The following NUBPL variants were observed in gnomAD, a reference collection of about 807,000 sequenced individuals.
NUBPL encodes the protein iron-sulfur cluster transfer protein NUBPL.
Under a neutral mutation model 45.7 loss-of-function variants are expected in NUBPL, and 31 were observed. The ratio of observed to expected loss-of-function variants is 0.68; its 90% CI spans 0.51 to 0.92. The LOEUF (loss-of-function observed/expected upper bound fraction) is 0.92, where lower values mean the gene tolerates loss of function less well. Ranked by LOEUF, NUBPL falls within the 40% of genes least tolerant of loss-of-function variation. The pLI is 0.00. For synonymous variants in NUBPL, 144 were observed against 140.9 expected, an observed-to-expected ratio of 1.02 and a Z score of -0.15; for missense variants, 401 against 398.7, an observed-to-expected ratio of 1.01 and a Z score of -0.05.
At chr14:31,606,712 TTGGGGTATCATAGA>T (rs966104481) in intron 4 of NUBPL, among the ~76,000 whole-genome samples, 1 of 140,350 alleles carries the variant, frequency 7.1e-6, no homozygotes, top group Non-Finnish European at 1.6e-5. Context: ...TGGCTCCTCT[TTGGGGTATCATAGA>T]TATGTGGACT....
At chr14:31,755,746 C>T (rs61994360) in intron 6 of NUBPL, among the ~76,000 whole-genome samples, 10,895 of 151,116 alleles carry the variant, frequency 0.072, 682 homozygotes, top group African/African-American at 0.17. Context: ...CCATTGCTTT[C>T]GGTGTTTTAG....
intron 10 of NUBPL, among the ~76,000 whole-genome samples, 159 bp downstream of exon 10, chr14:31,850,360 A>G (rs1421534656): frequency 6.6e-6 from 1 of 152,232 alleles, no homozygotes; most frequent in Non-Finnish European, 1.5e-5. Context: ...ACTGTCATGT[A>G]CAGTAAGCTT....
intron 8 of NUBPL, among the ~76,000 whole-genome samples, chr14:31,829,317 T>G (rs1432757467): frequency 6.6e-6 from 1 of 152,192 alleles, no homozygotes; most frequent in Non-Finnish European, 1.5e-5. Context: ...CTACAAACAT[T>G]TTTTAAAAGA....
At chr14:31,638,810 C>G (rs999733058) in intron 4 of NUBPL, among the ~76,000 whole-genome samples, 1 of 152,166 alleles carries the variant, frequency 6.6e-6, no homozygotes, top group African/African-American at 2.4e-5. Flanking sequence ...CTCTAAACTT[C>G]CCTTCTCGCT....
intron 6 of NUBPL, among the ~76,000 whole-genome samples, chr14:31,704,801 T>C (rs1482354918): frequency 6.6e-6 from 1 of 152,196 alleles, no homozygotes; most frequent in Non-Finnish European, 1.5e-5. Context: ...ACATAGACAA[T>C]AAACTTTAAC....
chr14:31,572,827 ATGGTATAACCTAT>A (rs1248622550), intron 3 of NUBPL, among the ~76,000 whole-genome samples: 25 of 152,230 alleles, frequency 1.6e-4, no homozygotes, highest in Non-Finnish European at 3.4e-4. Context: ...CCTAAGCTAT[ATGGTATAACCTAT>A]TTGTCCTAGG....
At chr14:31,709,439 A>T (rs1393777296) in intron 6 of NUBPL, among the ~76,000 whole-genome samples, 1 of 152,186 alleles carries the variant, frequency 6.6e-6, no homozygotes, top group Non-Finnish European at 1.5e-5. Flanking sequence ...GTGGGGATCC[A>T]TACTGGGGAC....
chr14:31,851,749 T>G (rs374000007), intron 10 of NUBPL, among the ~76,000 whole-genome samples: 1 of 152,126 alleles, frequency 6.6e-6, no homozygotes, highest in South Asian at 2.1e-4. Context: ...TTGAGGGTTT[T>G]TTTTGCTTTA....
At chr14:31,564,323 T>C (rs915003197) in intron 2 of NUBPL, among the ~76,000 whole-genome samples, 1 of 152,130 alleles carries the variant, frequency 6.6e-6, no homozygotes, top group African/African-American at 2.4e-5. Context: ...TGCACAGTAG[T>C]CCAGCCTTTC....
At chr14:31,655,897 T>C (rs534470208) in intron 4 of NUBPL, among the ~76,000 whole-genome samples, 1 of 152,324 alleles carries the variant, frequency 6.6e-6, no homozygotes, top group South Asian at 2.1e-4. Flanking sequence ...AGTAAACCTA[T>C]TATTTGAAGC....
At chr14:31,681,587 G>A (rs1005341879) in intron 6 of NUBPL, among the ~76,000 whole-genome samples, 1 of 148,928 alleles carries the variant, frequency 6.7e-6, no homozygotes, top group African/African-American at 2.5e-5. Context: ...CCTTTCATTT[G>A]TATCAGGCTA....
intron 6 of NUBPL, among the ~76,000 whole-genome samples, chr14:31,724,818 A>G (rs4981892): frequency 0.9 from 137,121 of 152,114 alleles, 62,043 homozygotes; most frequent in East Asian, 0.99. Flanking sequence ...AACATTGATT[A>G]ATGATCCATG....
chr14:31,834,430 T>C (rs558568397), intron 8 of NUBPL, among the ~76,000 whole-genome samples: 61 of 152,096 alleles, frequency 4.0e-4, no homozygotes, highest in Non-Finnish European at 5.2e-4. Context: ...CTGCCCACCT[T>C]GGCCTCCCAA....
At position 31,783,175 on chromosome 14, in the gene NUBPL, T is replaced by C. The variant is rs937120348; in HGVS notation, c.514-4605T>C. ...GTCAGCTTTTATAAGCATAGGGTAATGAGGTGTGATCTTATTATATCTTGC... is the reference window on the plus strand; with the variant it reads ...GTCAGCTTTTATAAGCATAGGGTAACGAGGTGTGATCTTATTATATCTTGC... On this transcript the variant is annotated intron_variant, in intron 6 of 10. Transcript: ENST00000281081. Among the ~76,000 whole-genome samples the C allele has an allele frequency of 2.0e-5, 3 of 152,326 alleles. 1 individual carries two copies. Among genetic ancestry groups the C allele is most frequent in the Middle Eastern group, 6.8e-3 (2 of 294 alleles).
chr14:31,653,183 G>A (rs1595441350), intron 4 of NUBPL, among the ~76,000 whole-genome samples: 1 of 152,242 alleles, frequency 6.6e-6, no homozygotes, highest in Non-Finnish European at 1.5e-5. Context: ...TACTGATGAG[G>A]TTCTATGGTC....
chr14:31,759,940 A>G (rs1311594633), intron 6 of NUBPL, among the ~76,000 whole-genome samples: 1 of 151,318 alleles, frequency 6.6e-6, no homozygotes, highest in Non-Finnish European at 1.5e-5. Context: ...TTGGTAGATT[A>G]GTTGTATTGA....
At chr14:31,749,432 A>C (rs1160561561) in intron 6 of NUBPL, among the ~76,000 whole-genome samples, 1 of 152,160 alleles carries the variant, frequency 6.6e-6, no homozygotes, top group Non-Finnish European at 1.5e-5. Flanking sequence ...CCTGGGAAAT[A>C]CTTTATTTCA....
intron 10 of NUBPL, among the ~76,000 whole-genome samples, chr14:31,856,644 T>A (rs967728419): frequency 6.6e-6 from 1 of 152,128 alleles, no homozygotes; most frequent in Admixed American, 6.6e-5. Context: ...AATACAGCTG[T>A]TCTAAATGGG....
intron 6 of NUBPL, among the ~76,000 whole-genome samples, chr14:31,715,264 G>C (rs1390924800): frequency 6.6e-6 from 1 of 151,870 alleles, no homozygotes. Flanking sequence ...CCTTTTCTCT[G>C]CTCATTTCTT....
Sources: gnomAD v4.1 joint callset for allele counts (sites outside exome capture counted in the v4.1 genomes callset) on GRCh38, gnomAD v4.1.1 for gene constraint, MANE v1.5 for transcripts, NCBI Gene and HGNC (gene_info 2026-07-23, HGNC 2026-07-21) for gene names.